Variants in SGCZ observed in about 807,000 individuals in gnomAD.
SGCZ encodes zeta-sarcoglycan.
Under a neutral mutation model 41.3 loss-of-function variants are expected in SGCZ, and 40 were observed. That is an observed-to-expected ratio of 0.97 (90% CI 0.75 to 1.26). The LOEUF (loss-of-function observed/expected upper bound fraction) is 1.26, where lower values mean the gene tolerates loss of function less well. Among genes scored for constraint, SGCZ ranks in the 50% most tolerant of loss-of-function variants. The probability of loss-of-function intolerance (pLI) is 0.00; values close to 1 mark genes in which losing one functional copy is unlikely to be tolerated. For missense variants in SGCZ, 552 were observed against 369.8 expected (o/e 1.49, Z -4.04); for synonymous variants, 206 against 137.5 (o/e 1.50, Z -3.49).
intron 4 of SGCZ, among the ~76,000 whole-genome samples, chr8:14,167,614 G>A (rs920141140): frequency 8.6e-5 from 13 of 152,024 alleles, no homozygotes. Context: ...AAAGATGTAA[G>A]CAAAATAATA....
intron 1 of SGCZ, among the ~76,000 whole-genome samples, chr8:15,131,199 G>A (rs1156686940): frequency 1.3e-5 from 2 of 152,170 alleles, no homozygotes; most frequent in African/African-American, 4.8e-5. Context: ...AATTGTAGCT[G>A]CCAGGATTCT....
chr8:15,192,651 A>G (rs1800580513), intron 1 of SGCZ, among the ~76,000 whole-genome samples: 1 of 152,096 alleles, frequency 6.6e-6, no homozygotes, highest in Non-Finnish European at 1.5e-5. Flanking sequence ...AACAGATCCC[A>G]TATGCCATGC....
intron 2 of SGCZ, among the ~76,000 whole-genome samples, chr8:14,552,147 A>G (rs935835528): frequency 3.3e-5 from 5 of 151,990 alleles, no homozygotes; most frequent in Non-Finnish European, 5.9e-5. Flanking sequence ...GTAGATATGA[A>G]AAGGAACATA....
At chr8:14,731,682 T>C (rs1810244062) in intron 1 of SGCZ, among the ~76,000 whole-genome samples, 1 of 152,206 alleles carries the variant, frequency 6.6e-6, no homozygotes, top group Non-Finnish European at 1.5e-5. Context: ...CAGCATTCCA[T>C]TTCATTGTAC....
At chr8:15,210,950 G>T (rs1801215803) in intron 1 of SGCZ, among the ~76,000 whole-genome samples, 1 of 151,588 alleles carries the variant, frequency 6.6e-6, no homozygotes, top group South Asian at 2.1e-4. Context: ...CCTTTGCCTA[G>T]AAATCTTGGA....
intron 1 of SGCZ, among the ~76,000 whole-genome samples, chr8:14,938,970 G>T (rs577030146): frequency 6.6e-6 from 1 of 152,180 alleles, no homozygotes; most frequent in African/African-American, 2.4e-5. Flanking sequence ...GCCCAAGACT[G>T]CCTCAGTGTC....
At chr8:14,923,611 G>C (rs1273132473) in intron 1 of SGCZ, among the ~76,000 whole-genome samples, 2 of 152,072 alleles carry the variant, frequency 1.3e-5, no homozygotes, top group Middle Eastern at 3.2e-3. Context: ...CACTGCATAA[G>C]GTAAGGGAAT....
intron 1 of SGCZ, among the ~76,000 whole-genome samples, chr8:14,666,192 AG>A (rs1807905013): frequency 6.6e-6 from 1 of 152,196 alleles, no homozygotes; most frequent in Non-Finnish European, 1.5e-5. Context: ...GTTGCATCCA[AG>A]TCTCATGAAG....
chr8:14,855,120 T>C (rs1207920959), intron 1 of SGCZ, among the ~76,000 whole-genome samples: 2 of 151,944 alleles, frequency 1.3e-5, no homozygotes, highest in African/African-American at 4.8e-5. Flanking sequence ...TGGCACAATC[T>C]TGGCTCACTG....
At chr8:15,132,002 C>T (rs1807924421) in intron 1 of SGCZ, among the ~76,000 whole-genome samples, 1 of 152,196 alleles carries the variant, frequency 6.6e-6, no homozygotes, top group African/African-American at 2.4e-5. Context: ...TTAACACCTT[C>T]CAGCCATTTT....
At chr8:15,062,821 A>G (rs897491473) in intron 1 of SGCZ, among the ~76,000 whole-genome samples, 3 of 152,158 alleles carry the variant, frequency 2.0e-5, no homozygotes, top group Non-Finnish European at 4.4e-5. Flanking sequence ...ACTACATATG[A>G]TTAATCGATT....
At chr8:14,648,056 G>C (rs1807281509) in intron 1 of SGCZ, among the ~76,000 whole-genome samples, 2 of 151,872 alleles carry the variant, frequency 1.3e-5, no homozygotes, top group African/African-American at 4.8e-5. Flanking sequence ...AAAATGGCTT[G>C]GCAGAAGGAT....
intron 3 of SGCZ, among the ~76,000 whole-genome samples, chr8:14,248,023 T>C (rs1038737650): frequency 6.6e-5 from 10 of 152,216 alleles, no homozygotes; most frequent in African/African-American, 2.2e-4. Flanking sequence ...AATGGATGAA[T>C]GGTTTAGCCA....
intron 1 of SGCZ, among the ~76,000 whole-genome samples, chr8:14,696,638 C>G (rs981099160): frequency 2.0e-5 from 3 of 152,038 alleles, no homozygotes; most frequent in African/African-American, 7.2e-5. Flanking sequence ...ATTTATTCAG[C>G]CTCTCTTCTG....
At chr8:14,373,217 G>A (rs776560166) in intron 2 of SGCZ, among the ~76,000 whole-genome samples, 3 of 152,214 alleles carry the variant, frequency 2.0e-5, no homozygotes, top group South Asian at 2.1e-4. Context: ...CCCAGATTTT[G>A]AGCCTTAGCA....
chr8:14,227,502 C>T (rs1310310676), intron 4 of SGCZ, among the ~76,000 whole-genome samples: 3 of 151,882 alleles, frequency 2.0e-5, no homozygotes, highest in Admixed American at 6.6e-5. Context: ...ATAGAGGGAT[C>T]ATATAGTATT....
chr8:14,927,445 T>A (rs1001898825), intron 1 of SGCZ, among the ~76,000 whole-genome samples: 1 of 151,806 alleles, frequency 6.6e-6, no homozygotes, highest in Non-Finnish European at 1.5e-5. Context: ...AATAAAACAC[T>A]TCAAAAGTGG....
chr8:14,319,668 T>C (rs183090975), intron 3 of SGCZ, among the ~76,000 whole-genome samples: 1 of 152,152 alleles, frequency 6.6e-6, no homozygotes, highest in African/African-American at 2.4e-5. Context: ...CATTTATATG[T>C]AGAATCAAGA....
At position 14,396,951 on chromosome 8, in the gene SGCZ, G is replaced by A. The variant is rs577959952; in HGVS notation, c.235-72747C>T. Among the ~76,000 whole-genome samples the A allele has an allele frequency of 4.6e-5, 7 of 152,168 alleles. No homozygotes were observed. In the South Asian group the frequency reaches 1.5e-3, roughly 32 times the overall value. Reference sequence around the variant, plus strand: ...ATGGAAATGTGCTGAATTGCTTTAAGAATAAATTACACTTCTCCTTTATAA... The same window carrying A: ...ATGGAAATGTGCTGAATTGCTTTAAAAATAAATTACACTTCTCCTTTATAA... On this transcript the variant is annotated intron_variant, in intron 2 of 7. Transcript: ENST00000382080.
Sources: gnomAD v4.1 joint callset for allele counts (sites outside exome capture counted in the v4.1 genomes callset) on GRCh38, gnomAD v4.1.1 for gene constraint, MANE v1.5 for transcripts, NCBI Gene and HGNC (gene_info 2026-07-23, HGNC 2026-07-21) for gene names.